RNFT2: variants seen among roughly 807,000 people sequenced by gnomAD.
The protein encoded by RNFT2 is E3 ubiquitin-protein ligase RNFT2.
In RNFT2, 36 loss-of-function variants were observed where a neutral mutation model predicts 53.0. That is an observed-to-expected ratio of 0.68 (90% CI 0.52 to 0.90). The LOEUF (loss-of-function observed/expected upper bound fraction) is 0.90. RNFT2 is among the 40% of genes least tolerant of loss of function. The probability of loss-of-function intolerance (pLI) is 0.00; values close to 1 mark genes in which losing one functional copy is unlikely to be tolerated. For synonymous variants in RNFT2, 260 were observed against 253.2 expected (o/e 1.03, Z -0.26); for missense variants, 514 against 585.6 (o/e 0.88, Z 1.26).
chr12:116,775,686 G>T (rs1288876133), intron 6 of RNFT2, among the ~76,000 whole-genome samples: 1 of 152,234 alleles, frequency 6.6e-6, no homozygotes, highest in Non-Finnish European at 1.5e-5. Context: ...ACTCATTAAA[G>T]TACTGGGTAA....
chr12:116,811,357 A>AAT (rs895213440), intron 7 of RNFT2, among the ~76,000 whole-genome samples: 1 of 146,950 alleles, frequency 6.8e-6, no homozygotes, highest in African/African-American at 2.5e-5. Flanking sequence ...GGCACATGTA[A>AAT]ATGCTCAATG....
chr12:116,739,869 A>G (rs1456404911), intron 1 of RNFT2, among the ~76,000 whole-genome samples: 2 of 152,256 alleles, frequency 1.3e-5, no homozygotes, highest in African/African-American at 2.4e-5. Flanking sequence ...TTCCCCAATC[A>G]GGACTCTTAG....
chr12:116,766,049 A>G (rs964396404), intron 5 of RNFT2, among the ~76,000 whole-genome samples: 1 of 152,192 alleles, frequency 6.6e-6, no homozygotes, highest in Non-Finnish European at 1.5e-5. Context: ...AGGCAGGAGG[A>G]TCACTTGAGG....
At chr12:116,793,742 A>G (rs979779469) in intron 7 of RNFT2, among the ~76,000 whole-genome samples, 2 of 152,098 alleles carry the variant, frequency 1.3e-5, no homozygotes, top group African/African-American at 2.4e-5. Context: ...CTCGACTCCA[A>G]TGTCACCACC....
chr12:116,789,087 GTGGA>G (rs1289612206), intron 7 of RNFT2, among the ~76,000 whole-genome samples: 1 of 150,286 alleles, frequency 6.7e-6, no homozygotes, highest in Non-Finnish European at 1.5e-5. Context: ...TGGGAGGAGA[GTGGA>G]TGGATGGATG....
At chr12:116,793,833 C>G (rs928589026) in intron 7 of RNFT2, among the ~76,000 whole-genome samples, 1 of 152,152 alleles carries the variant, frequency 6.6e-6, no homozygotes, top group Non-Finnish European at 1.5e-5. Flanking sequence ...TATATCTTTC[C>G]TAGCATATAC....
intron 7 of RNFT2, among the ~76,000 whole-genome samples, chr12:116,797,511 T>C (rs1874558081): frequency 1.3e-5 from 2 of 150,932 alleles, no homozygotes; most frequent in Admixed American, 6.6e-5. Context: ...GCTGAGATGA[T>C]GCCACTGCAC....
intron 7 of RNFT2, among the ~76,000 whole-genome samples, chr12:116,788,241 A>G (rs1253996077): frequency 2.0e-5 from 3 of 152,126 alleles, no homozygotes; most frequent in Non-Finnish European, 4.4e-5. Context: ...TTGCTCCTTT[A>G]TACTCATTAA....
Position 116,849,442 on chromosome 12 carries a change from G to T in RNFT2, c.1329G>T (p.Val443=). ...KDGATSAHFQ[V]Y ...GCGCCACGTCCGCACACTTCCAGGT[G>T]TACTAGGACCGAACACTGAGGACAC... Residue 443 remains valine (V), a synonymous_variant, in exon 11 of 11, where the codon GTG becomes GTT. Transcript: ENST00000257575. 1 of 1,590,338 alleles carries T rather than the reference G, an allele frequency of 6.3e-7. No individual in the cohort carries two copies. The highest frequency in any genetic ancestry group is 8.5e-7 in the Non-Finnish European group (1 of 1,170,012).
In RNFT2 at chr12:116,849,849, T is replaced by TC; in HGVS notation, c.*401_*402insC. On this transcript the variant is annotated 3_prime_UTR_variant, in exon 11 of 11. Coordinates refer to ENST00000257575, the MANE Select transcript of RNFT2 (RefSeq NM_001382266.1). ...CCCTCCTTCCTTCCTTCCTTCCTTT[T>TC]TTTTTTTTTTTTAAAACAAGGTCTC... 1 of 165,198 alleles carries TC rather than the reference T, an allele frequency of 6.1e-6. No homozygotes were observed. The highest frequency in any genetic ancestry group is 2.0e-4 in the South Asian group (1 of 5,066). The allele number at this position is 165,198 out of a possible 1,614,324, so 10.2% of individuals were successfully genotyped here.
intron 4 of RNFT2, among the ~76,000 whole-genome samples, chr12:116,751,960 C>G (rs951212434): frequency 6.6e-6 from 1 of 151,536 alleles, no homozygotes; most frequent in East Asian, 2.0e-4. Context: ...CTTATTAGAT[C>G]ATGGTGTTGC....
At position 116,750,118 on chromosome 12, in the gene RNFT2, C is replaced by T. The variant is rs1312754435; in HGVS notation, c.361C>T (p.His121Tyr). The T allele has an allele frequency of 3.2e-6, 5 of 1,565,942 alleles. No individual in the cohort carries two copies. The East Asian group carries it at 9.3e-5, about 29-fold the overall frequency. Residue 121 changes from histidine (H) to tyrosine (Y), a missense_variant, in exon 4 of 11, where the codon CAC becomes TAC. Around this residue, in one of 3 missense-constraint regions of RNFT2, gnomAD observed 237 missense variants for 235.1 expected, o/e 1.01. Coordinates refer to ENST00000257575, the MANE Select transcript of RNFT2 (RefSeq NM_001382266.1). ...QPHHHFHHGG[H>Y]RGGSLLQHVG... is the part of the protein sequence containing the mutation. ...CCACCACCATTTCCACCATGGCGGC[C>T]ACCGCGGGGGCTCCCTGCTGCAGCA...
intron 10 of RNFT2, among the ~76,000 whole-genome samples, chr12:116,844,340 A>G (rs2137222078): frequency 6.6e-6 from 1 of 152,168 alleles, no homozygotes; most frequent in East Asian, 1.9e-4. Flanking sequence ...CGGTTCAAGC[A>G]ATTCTCCTGC....
intron 3 of RNFT2, among the ~76,000 whole-genome samples, chr12:116,744,407 C>G (rs1271578253): frequency 6.6e-6 from 1 of 152,132 alleles, no homozygotes; most frequent in Non-Finnish European, 1.5e-5. Context: ...GCAGGAAACT[C>G]AAACCGTGTA....
intron 7 of RNFT2, 111 bp downstream of exon 7, chr12:116,779,459 A>G: frequency 8.5e-7 from 1 of 1,176,388 alleles, no homozygotes; most frequent in African/African-American, 1.5e-5. Context: ...ATGTCAGCAT[A>G]TAAAATAAAC....
At chr12:116,841,782 TATATATATATAA>T (rs1250788546) in intron 10 of RNFT2, among the ~76,000 whole-genome samples, 14 of 96,986 alleles carry the variant, frequency 1.4e-4, no homozygotes, top group South Asian at 9.0e-4. Context: ...TATATATAAA[TATATATATATAA>T]ATATATATAT....
intron 7 of RNFT2, among the ~76,000 whole-genome samples, chr12:116,786,686 G>A (rs1873951331): frequency 1.3e-5 from 2 of 152,222 alleles, no homozygotes; most frequent in Admixed American, 1.3e-4. Flanking sequence ...TCCTGTGGTT[G>A]CAGTAACGAA....
At chr12:116,802,526 C>A (rs2137153190) in intron 7 of RNFT2, among the ~76,000 whole-genome samples, 1 of 152,246 alleles carries the variant, frequency 6.6e-6, no homozygotes, top group South Asian at 2.1e-4. Context: ...AAAAAAAAGT[C>A]CGCTAAAACT....
chr12:116,852,767 T>C lies in RNFT2; in HGVS notation c.*3319T>C. 2.5e-6 allele frequency: 4 copies of C among 1,577,914 alleles called. No homozygotes were observed. Among genetic ancestry groups the C allele is most frequent in the Non-Finnish European group, 3.5e-6 (4 of 1,147,338 alleles). ...CCTGGAATTCTGATTCCAAACTCTTTATTACTTTGGGAAGTCACTCAGCCT... is the reference window on the plus strand; with the variant it reads ...CCTGGAATTCTGATTCCAAACTCTTCATTACTTTGGGAAGTCACTCAGCCT... On this transcript the variant is annotated 3_prime_UTR_variant, in exon 11 of 11. Transcript: ENST00000257575.
Sources: gnomAD v4.1 joint callset for allele counts (sites outside exome capture counted in the v4.1 genomes callset) on GRCh38, gnomAD v4.1.1 for gene constraint, gnomAD v4.1.1 regional missense constraint, MANE v1.5 for transcripts, NCBI Gene and HGNC (gene_info 2026-07-23, HGNC 2026-07-21) for gene names.